The following PDZK1 variants were observed in gnomAD, a reference collection of about 807,000 sequenced individuals.
PDZK1 encodes PDZ domain containing 1, also known as Na(+)/H(+) exchange regulatory cofactor NHE-RF3.
In PDZK1, 23 loss-of-function variants were observed where a neutral mutation model predicts 38.1. The observed-to-expected ratio is 0.60, with a 90% CI of 0.43 to 0.85. The LOEUF is 0.85. Among genes scored for constraint, PDZK1 ranks in the 40% least tolerant of loss-of-function variants. The pLI is 0.00. For missense variants in PDZK1, 297 were observed against 504.3 expected (o/e 0.59, Z 3.94); for synonymous variants, 98 against 186.2 (o/e 0.53, Z 3.86).
rs782114486 is a variant in PDZK1, at chr1:145,671,395, A to G, written c.*41T>C. ...AAGGATTCCTATTAAATACCCAGAAACAGCTATCAAATAAACAGCCAAAGC... is the reference window on the plus strand; with the variant it reads ...AAGGATTCCTATTAAATACCCAGAAGCAGCTATCAAATAAACAGCCAAAGC... On this transcript the variant is annotated 3_prime_UTR_variant, in exon 9 of 9. Transcript: ENST00000417171. 2 of 1,605,846 alleles carry G rather than the reference A, an allele frequency of 1.2e-6. No homozygotes were observed. Among genetic ancestry groups the G allele is most frequent in the East Asian group, 2.2e-5 (1 of 44,714 alleles).
Position 145,686,590 on chromosome 1 carries a change from T to C in PDZK1, c.347A>G (p.Asp116Gly), listed in dbSNP as rs1654795277. The C allele has an allele frequency of 1.9e-6, 3 of 1,608,332 alleles. No individual in the cohort carries two copies. Among genetic ancestry groups the C allele is most frequent in the Non-Finnish European group, 2.5e-6 (3 of 1,177,332 alleles). Residue 116 changes from aspartate to glycine, a missense_variant, in exon 3 of 9, where the codon GAT becomes GGT. Coordinates refer to ENST00000417171, the MANE Select transcript of PDZK1 (RefSeq NM_001201325.2). ...GQSQKEQGLS[D>G]NILSPVMNGG... is the part of the protein sequence containing the mutation. ...ATTCATCACAGGGGAAAGTATATTA[T>C]CACTCAAACCTTGCTCCTTCTGACT...
chr1:145,682,009 A>AACACACACACACAC (rs71077284), intron 4 of PDZK1, among the ~76,000 whole-genome samples: 13 of 108,264 alleles, frequency 1.2e-4, no homozygotes, highest in East Asian at 2.8e-4. Flanking sequence ...ATCTCTACAA[A>AACACACACACACAC]ACACACACAC....
Position 145,678,604 on chromosome 1 carries a change from C to T in PDZK1, c.835G>A (p.Glu279Lys). The T allele has an allele frequency of 1.0e-5, 5 of 486,022 alleles. No individual in the cohort carries two copies. The highest frequency in any genetic ancestry group is 1.4e-5 in the Non-Finnish European group (4 of 288,340). The allele number at this position is 486,022 out of a possible 1,614,324, so 30.1% of individuals were successfully genotyped here. The change falls in exon 6 of 9, where the codon GAG becomes AAG. Residue 279 changes from glutamate to lysine, a missense_variant. This residue lies in a region of PDZK1 where 35 missense variants were observed against 73.9 expected (regional missense o/e 0.47). Transcript: ENST00000417171. ...AGATCATTGTTCTTCAAGCCAGCCT[C>T]CTCTGCTGGACTTCCAGAATCTATG... ...KDIDSGSPAEEAGLKNNDLVV... is the reference protein window; with the variant it reads ...KDIDSGSPAEKAGLKNNDLVV...
At chr1:145,679,201 C>G (rs1171565899) in intron 5 of PDZK1, among the ~76,000 whole-genome samples, 24 of 149,238 alleles carry the variant, frequency 1.6e-4, no homozygotes, top group Admixed American at 1.6e-3. Context: ...TCCTGTTTCA[C>G]TTTTCCAGCT....
At chr1:145,675,764 C>G (rs1653588328) in intron 6 of PDZK1, among the ~76,000 whole-genome samples, 1 of 151,960 alleles carries the variant, frequency 6.6e-6, no homozygotes, top group Non-Finnish European at 1.5e-5. Flanking sequence ...TGCCTGAAAT[C>G]CCAGCACTTT....
rs1194972844 is a variant in PDZK1, at chr1:145,686,502, A to C, written c.435T>G (p.Tyr145Ter). Reference sequence around the variant, plus strand: ...CTTGGACAGTTTTCAGAGAGAAGCCATAGCTGCCTCCTTCCTTCACGAGAT... The same window carrying C: ...CTTGGACAGTTTTCAGAGAGAAGCCCTAGCTGCCTCCTTCCTTCACGAGAT... ...LCYLVKEGGSYGFSLKTVQGK... is the reference protein window; with the variant it reads ...LCYLVKEGGS Residue 145 changes from tyrosine to a stop codon, truncating the protein, a stop_gained, in exon 3 of 9, where the codon TAT becomes TAG. Coordinates refer to ENST00000417171, the MANE Select transcript of PDZK1 (RefSeq NM_001201325.2). LOFTEE classifies it high-confidence loss of function. 1.6e-5 allele frequency: 25 copies of C among 1,611,908 alleles called. No homozygotes were observed. The highest frequency in any genetic ancestry group is 2.1e-5 in the Non-Finnish European group (25 of 1,179,866).
At chr1:145,690,015 C>T (rs751921341) in intron 1 of PDZK1, among the ~76,000 whole-genome samples, 2 of 152,210 alleles carry the variant, frequency 1.3e-5, no homozygotes, top group East Asian at 3.8e-4. Flanking sequence ...GACTCCCCAT[C>T]GAGCATTGAG....
intron 1 of PDZK1, among the ~76,000 whole-genome samples, chr1:145,692,707 CA>C (rs879949674): frequency 2.9e-3 from 302 of 102,432 alleles, no homozygotes; most frequent in Admixed American, 2.6e-3. Flanking sequence ...GATTCCGTCT[CA>C]AAAAAAAAAA....
rs782169727 is a variant in PDZK1, at chr1:145,671,151, C to CAGAG, written c.*281_*284dup. On this transcript the variant is annotated 3_prime_UTR_variant, in exon 9 of 9. Transcript: ENST00000417171. ...TGTAGAAGTAAGAGACATCATCATA[C>CAGAG]AGAGAAATGTAGTTAAGTTAAGTTG... 17 of 857,946 alleles carry CAGAG rather than the reference C, an allele frequency of 2.0e-5. No individual in the cohort carries two copies. The highest frequency in any genetic ancestry group is 2.5e-5 in the Non-Finnish European group (16 of 630,288). 53.1% of individuals were successfully genotyped at this position (857,946 alleles called of 1,614,324 possible). A position where few individuals can be genotyped will look rare whatever the true frequency, so the allele number is the denominator to read the frequency against.
chr1:145,690,726 G>GAT (rs1655176167), intron 1 of PDZK1, among the ~76,000 whole-genome samples: 1 of 152,182 alleles, frequency 6.6e-6, no homozygotes, highest in Non-Finnish European at 1.5e-5. Flanking sequence ...GTAGGCCAAG[G>GAT]ATAGAAAGTG....
chr1:145,703,803 T>C (rs1656100423), intron 1 of PDZK1, among the ~76,000 whole-genome samples: 3 of 151,928 alleles, frequency 2.0e-5, no homozygotes, highest in South Asian at 2.1e-4. Flanking sequence ...AGGATCCATG[T>C]CGTGTGTCCC....
chr1:145,679,104 G>T (rs1325740418), intron 5 of PDZK1, among the ~76,000 whole-genome samples: 1 of 151,422 alleles, frequency 6.6e-6, no homozygotes, highest in Admixed American at 6.6e-5. Context: ...GTTCGGTTTT[G>T]AATATATTTG....
chr1:145,675,898 G>A (rs1308063925), intron 6 of PDZK1, among the ~76,000 whole-genome samples: 1 of 151,984 alleles, frequency 6.6e-6, no homozygotes, highest in African/African-American at 2.4e-5. Flanking sequence ...CACACCTGTA[G>A]TCCCAGCTAC....
chr1:145,684,304 G>T (rs1371040450), intron 3 of PDZK1, among the ~76,000 whole-genome samples: 1 of 150,476 alleles, frequency 6.6e-6, no homozygotes, highest in Admixed American at 6.6e-5. Flanking sequence ...CGCCTCCCGG[G>T]TTCACACCAT....
intron 1 of PDZK1, among the ~76,000 whole-genome samples, chr1:145,702,735 T>C (rs1234650713): frequency 6.6e-6 from 1 of 151,872 alleles, no homozygotes; most frequent in Non-Finnish European, 1.5e-5. Flanking sequence ...CTACTAAAAA[T>C]ACAAAAAATT....
intron 3 of PDZK1, 99 bp downstream of exon 3, chr1:145,686,378 G>A (rs1435290262): frequency 3.6e-5 from 55 of 1,507,760 alleles, no homozygotes; most frequent in Middle Eastern, 4.9e-4. Flanking sequence ...TGAAAAGTCA[G>A]TCAAAGAAGA....
chr1:145,671,350 T>C lies in PDZK1; in HGVS notation c.*86A>G. The C allele has an allele frequency of 6.2e-7, 1 of 1,602,654 alleles. No homozygotes were observed. Among genetic ancestry groups the C allele is most frequent in the Admixed American group, 1.7e-5 (1 of 59,550 alleles). On this transcript the variant is annotated 3_prime_UTR_variant, in exon 9 of 9. Coordinates refer to ENST00000417171, the MANE Select transcript of PDZK1 (RefSeq NM_001201325.2). ...TTCTTCTAAAGAGACAGTAAACAGGTCACAACTCATTCCTTGAGAAAGGAT... is the reference window on the plus strand; with the variant it reads ...TTCTTCTAAAGAGACAGTAAACAGGCCACAACTCATTCCTTGAGAAAGGAT...
At chr1:145,682,415 T>A in intron 4 of PDZK1, 85 bp downstream of exon 4, 1 of 877,144 alleles carries the variant, frequency 1.1e-6, no homozygotes, top group South Asian at 1.7e-5. Flanking sequence ...AAACTCATGC[T>A]GTCCCCTACC....
rs1240659382 is a variant in PDZK1, at chr1:145,697,131, C to T, written c.-2-9108G>A. Among the ~76,000 whole-genome samples, 5 of 152,086 alleles carry T rather than the reference C, an allele frequency of 3.3e-5. No individual in the cohort carries two copies. In the South Asian group the frequency reaches 6.2e-4, roughly 19 times the overall value. On this transcript the variant is annotated intron_variant, in intron 1 of 8. Transcript: ENST00000417171. ...TCATTTGAGGTTAGGAGTTCAAGAC[C>T]AGCCTGGCCAACTGGTGAAGCCCCA...
Sources: allele counts gnomAD v4.1 joint callset (sites outside exome capture counted in the v4.1 genomes callset), GRCh38; gene constraint gnomAD v4.1.1; regional missense constraint gnomAD v4.1.1; transcripts MANE v1.5; gene names NCBI Gene and HGNC (gene_info 2026-07-23, HGNC 2026-07-21).